Variants in CRMP1 observed in about 807,000 individuals in gnomAD.
The protein encoded by CRMP1 is collapsin response mediator protein 1.
In CRMP1, 19 loss-of-function variants were observed where a neutral mutation model predicts 68.3. That is an observed-to-expected ratio of 0.28 (90% confidence interval 0.19 to 0.41). The LOEUF is 0.41. Ranked by LOEUF, CRMP1 falls within the 10% of genes least tolerant of loss-of-function variation. The probability of loss-of-function intolerance (pLI) is 1.00; values close to 1 mark genes in which losing one functional copy is unlikely to be tolerated. For missense variants in CRMP1, 791 were observed against 967.4 expected (o/e 0.82, Z 2.42); for synonymous variants, 439 against 399.6 (o/e 1.10, Z -1.18).
At chr4:5,835,894 C>A in intron 11 of CRMP1, 21 bp downstream of exon 11, 1 of 1,430,696 alleles carries the variant, frequency 7.0e-7, no homozygotes, top group South Asian at 1.7e-5. Context: ...ATCTCAGCAG[C>A]ACAAATAGGC....
In CRMP1 at chr4:5,891,676, C is replaced by T. The variant is rs1715955961; in HGVS notation, c.381+913G>A. Among the ~76,000 whole-genome samples, 1 of 152,198 alleles carries T rather than the reference C, an allele frequency of 6.6e-6. No homozygotes were observed. The highest frequency in any genetic ancestry group is 1.5e-5 in the Non-Finnish European group (1 of 68,034). On this transcript the variant is annotated intron_variant, in intron 1 of 13. Coordinates refer to ENST00000324989, the MANE Select transcript of CRMP1 (RefSeq NM_001014809.3). This position sits in a 1 kb window ranked among gnomAD's most constrained non-coding sequence, Gnocchi z 5.2. Reference sequence around the variant, plus strand: ...TGGACCAATTCGAAAGCTCCCCAGCCCTCGGATGCTCCAACTTCCGTTTTT... The same window carrying T: ...TGGACCAATTCGAAAGCTCCCCAGCTCTCGGATGCTCCAACTTCCGTTTTT...
chr4:5,857,790 C>A (rs1713245362), intron 3 of CRMP1, among the ~76,000 whole-genome samples: 1 of 152,096 alleles, frequency 6.6e-6, no homozygotes, highest in Admixed American at 6.5e-5. Context: ...GCACAGAATG[C>A]CAAGATGAAA....
At chr4:5,830,557 G>T (rs1720297231) in intron 11 of CRMP1, among the ~76,000 whole-genome samples, 1 of 152,150 alleles carries the variant, frequency 6.6e-6, no homozygotes, top group African/African-American at 2.4e-5. Context: ...TAAGCCTCTT[G>T]GGCCAGGTGT....
At chr4:5,857,360 T>G (rs1483775723) in intron 3 of CRMP1, among the ~76,000 whole-genome samples, 1 of 151,888 alleles carries the variant, frequency 6.6e-6, no homozygotes, top group East Asian at 1.9e-4. Context: ...ACCATTATCA[T>G]CACCATCATC....
Position 5,888,255 on chromosome 4 carries a change from C to G in CRMP1, c.381+4334G>C, listed in dbSNP as rs1275676580. 1.6e-6 allele frequency: 2 copies of G among 1,290,236 alleles called. No homozygotes were observed. The highest frequency in any genetic ancestry group is 3.6e-5 in the Admixed American group (1 of 27,794). 79.9% of individuals were successfully genotyped at this position (1,290,236 alleles called of 1,614,324 possible). On this transcript the variant is annotated intron_variant, in intron 1 of 13. Coordinates refer to ENST00000324989, the MANE Select transcript of CRMP1 (RefSeq NM_001014809.3). This position sits in a 1 kb window ranked among gnomAD's most constrained non-coding sequence, Gnocchi z 6.4. ...TGATGTGCGGGATGCTCTTCTTGCC[C>G]TGGTACGACATGGCCCCCTCTGGCG...
rs1245654908 is a variant in CRMP1, at chr4:5,870,494, C to T, written c.382-3738G>A. Among the ~76,000 whole-genome samples the T allele has an allele frequency of 6.6e-6, 1 of 152,228 alleles. No homozygotes were observed. Among genetic ancestry groups the T allele is most frequent in the Non-Finnish European group, 1.5e-5 (1 of 68,050 alleles). On this transcript the variant is annotated intron_variant, in intron 1 of 13. Transcript: ENST00000324989. This position sits in a 1 kb window ranked among gnomAD's most constrained non-coding sequence, Gnocchi z 6.0. ...GCACTTGTCTTTACTAGACCGTGAG[C>T]TCCACGGAGGCAACGGACTTTGTCC...
intron 13 of CRMP1, chr4:5,824,402 T>G (rs1719194554): frequency 1.0e-6 from 1 of 985,236 alleles, no homozygotes; most frequent in Non-Finnish European, 1.2e-6. Context: ...GATTCATGCC[T>G]CCTCGGCATA....
At chr4:5,871,374 G>A (rs1714431477) in intron 1 of CRMP1, among the ~76,000 whole-genome samples, 1 of 152,158 alleles carries the variant, frequency 6.6e-6, no homozygotes, top group South Asian at 2.1e-4. Flanking sequence ...AAATCTCTAG[G>A]TTAAGGCTGG....
rs1490468411 is a variant in CRMP1 at position 5,888,036 on chromosome 4, T to C, written c.381+4553A>G. 6.6e-6 allele frequency among the ~76,000 whole-genome samples: 1 copy of C among 151,022 alleles called. No homozygotes were observed. ...CCAGCCCCGCCCCGCCATGCGGGGCTCCCCCACCCCCATTGTCCCCAGAGG... is the reference window on the plus strand; with the variant it reads ...CCAGCCCCGCCCCGCCATGCGGGGCCCCCCCACCCCCATTGTCCCCAGAGG... On this transcript the variant is annotated intron_variant, in intron 1 of 13. Coordinates refer to ENST00000324989, the MANE Select transcript of CRMP1 (RefSeq NM_001014809.3). The surrounding 1 kb of genome is among the most constrained non-coding windows in gnomAD (Gnocchi z 6.4).
intron 6 of CRMP1, 30 bp downstream of exon 6, chr4:5,849,362 G>C: frequency 6.4e-7 from 1 of 1,556,696 alleles, no homozygotes; most frequent in Non-Finnish European, 8.9e-7. Flanking sequence ...TCAGACTGAG[G>C]TAGAAGGAGT....
chr4:5,842,614 A>G lies in CRMP1; in HGVS notation c.1032+479T>C. Among the ~76,000 whole-genome samples, 1 of 143,258 alleles carries G rather than the reference A, an allele frequency of 7.0e-6. No individual in the cohort carries two copies. Among genetic ancestry groups the G allele is most frequent in the East Asian group, 2.0e-4 (1 of 5,050 alleles). The allele number at this position is 143,258 out of a possible 152,430, so 94.0% of individuals were successfully genotyped here. ...CACACTCTCTCACACACACACACAC[A>G]CACTCACTCACACACACACACACGC... is the stretch of plus-strand genomic sequence containing the variant. On this transcript the variant is annotated intron_variant, in intron 7 of 13. Coordinates refer to ENST00000324989, the MANE Select transcript of CRMP1 (RefSeq NM_001014809.3). This position sits in a 1 kb window ranked among gnomAD's most constrained non-coding sequence, Gnocchi z 4.5.
intron 1 of CRMP1, among the ~76,000 whole-genome samples, chr4:5,885,290 C>G (rs543719018): frequency 6.6e-6 from 1 of 152,130 alleles, no homozygotes; most frequent in Non-Finnish European, 1.5e-5. Context: ...CACCCTTATC[C>G]CCACTGTGCA....
At chr4:5,875,923 C>T (rs1352232174) in intron 1 of CRMP1, among the ~76,000 whole-genome samples, 1 of 152,088 alleles carries the variant, frequency 6.6e-6, no homozygotes, top group Non-Finnish European at 1.5e-5. Context: ...GAGGCCGAAG[C>T]GGGTGGATCA....
rs533951598 is a variant in CRMP1 at position 5,843,799 on chromosome 4, C to T, written c.964-638G>A. Among the ~76,000 whole-genome samples the T allele has an allele frequency of 6.6e-6, 1 of 152,270 alleles. No homozygotes were observed. Among genetic ancestry groups the T allele is most frequent in the Admixed American group, 6.5e-5 (1 of 15,300 alleles). ...CGCTCATTAATTGGCAGCCGGCTCT[C>T]ATACCTACTTCAGCTGCCTCTTCCT... On this transcript the variant is annotated intron_variant, in intron 6 of 13. Coordinates refer to ENST00000324989, the MANE Select transcript of CRMP1 (RefSeq NM_001014809.3). The surrounding 1 kb of genome is among the most constrained non-coding windows in gnomAD (Gnocchi z 4.1).
At chr4:5,886,069 T>C (rs1715564820) in intron 1 of CRMP1, among the ~76,000 whole-genome samples, 1 of 152,200 alleles carries the variant, frequency 6.6e-6, no homozygotes, top group Non-Finnish European at 1.5e-5. Context: ...CCCATTCAAG[T>C]GGATCCTCTC....
At chr4:5,833,388 G>C (rs1241793521) in intron 11 of CRMP1, among the ~76,000 whole-genome samples, 1 of 87,834 alleles carries the variant, frequency 1.1e-5, no homozygotes, top group African/African-American at 4.9e-5. Flanking sequence ...GGATGGTCTC[G>C]ATCTCCTGAC....
chr4:5,843,071 G>A lies in CRMP1; in HGVS notation c.1032+22C>T. On this transcript the variant is annotated intron_variant, in intron 7 of 13. Coordinates refer to ENST00000324989, the MANE Select transcript of CRMP1 (RefSeq NM_001014809.3). This position sits in a 1 kb window ranked among gnomAD's most constrained non-coding sequence, Gnocchi z 4.1. The stretch of plus-strand genomic sequence containing the variant: ...GCTCAGTGGTGAGTGTCAGAGTCAT[G>A]CCCAAGTTGAGGAGTCCTTACCTCT... The A allele has an allele frequency of 6.2e-7, 1 of 1,612,066 alleles. No individual in the cohort carries two copies. The highest frequency in any genetic ancestry group is 8.5e-7 in the Non-Finnish European group (1 of 1,178,488).
Position 5,858,725 on chromosome 4 carries a change from C to A in CRMP1, c.655+2301G>T, listed in dbSNP as rs1713322424. On this transcript the variant is annotated intron_variant, in intron 3 of 13. Coordinates refer to ENST00000324989, the MANE Select transcript of CRMP1 (RefSeq NM_001014809.3). The surrounding 1 kb of genome is among the most constrained non-coding windows in gnomAD (Gnocchi z 5.5). ...CCCTGCTTAAAATACCTCAACATTG[C>A]CCATCACCCATATGAGAAAGAGCCA... Among the ~76,000 whole-genome samples, 1 of 152,154 alleles carries A rather than the reference C, an allele frequency of 6.6e-6. No homozygotes were observed. The highest frequency in any genetic ancestry group is 1.5e-5 in the Non-Finnish European group (1 of 68,050).
intron 1 of CRMP1, chr4:5,887,350 C>A (rs1715660172): frequency 1.0e-6 from 1 of 985,268 alleles, no homozygotes; most frequent in South Asian, 4.7e-5. Flanking sequence ...CCACCACGCC[C>A]AGAATCCCGC....
Sources: allele counts gnomAD v4.1 joint callset (sites outside exome capture counted in the v4.1 genomes callset), GRCh38; gene constraint gnomAD v4.1.1; non-coding constraint Gnocchi (gnomAD v3.1); transcripts MANE v1.5; gene names NCBI Gene and HGNC (gene_info 2026-07-23, HGNC 2026-07-21).